TMTC2: variants seen among roughly 807,000 people sequenced by gnomAD.
TMTC2 encodes protein O-mannosyl-transferase TMTC2.
TMTC2 carries 43 observed loss-of-function variants against 82.4 expected under a neutral mutation model. The ratio of observed to expected loss-of-function variants is 0.52; its 90% confidence interval spans 0.41 to 0.67. TMTC2 has a LOEUF of 0.67. Ranked by LOEUF, TMTC2 falls within the 30% of genes least tolerant of loss-of-function variation. The pLI, the probability that TMTC2 is intolerant of heterozygous loss-of-function variation, is 0.00. For missense variants in TMTC2, 919 were observed against 1,012.4 expected (o/e 0.91, Z 1.25); for synonymous variants, 408 against 381.9 (o/e 1.07, Z -0.80).
chr12:82,929,085 A>G (rs1365287525), intron 3 of TMTC2, among the ~76,000 whole-genome samples: 2 of 151,544 alleles, frequency 1.3e-5, no homozygotes, highest in Non-Finnish European at 2.9e-5. Context: ...GTTTTGTTTT[A>G]TTTTTTTGAG....
chr12:83,106,682 A>G (rs892550866), intron 11 of TMTC2, among the ~76,000 whole-genome samples: 3 of 152,212 alleles, frequency 2.0e-5, no homozygotes, highest in African/African-American at 7.2e-5. Flanking sequence ...GAAGACATGC[A>G]GGTCAAGCAA....
intron 8 of TMTC2, among the ~76,000 whole-genome samples, chr12:83,015,645 T>A (rs1880642818): frequency 6.6e-6 from 1 of 152,236 alleles, no homozygotes; most frequent in East Asian, 1.9e-4. Context: ...CCTCACCATG[T>A]CACCTCTGTA....
chr12:82,794,151 C>T (rs1023202395), intron 1 of TMTC2, among the ~76,000 whole-genome samples: 1 of 152,148 alleles, frequency 6.6e-6, no homozygotes, highest in Non-Finnish European at 1.5e-5. Context: ...CCGGGACAGC[C>T]TGCTGGCCTC....
chr12:82,961,861 A>G (rs1877953064), intron 4 of TMTC2, among the ~76,000 whole-genome samples: 1 of 152,066 alleles, frequency 6.6e-6, no homozygotes, highest in Non-Finnish European at 1.5e-5. Context: ...TCACATTTGC[A>G]GCATCCATTC....
At chr12:82,877,759 G>A (rs1329044567) in intron 2 of TMTC2, among the ~76,000 whole-genome samples, 1 of 152,088 alleles carries the variant, frequency 6.6e-6, no homozygotes, top group African/African-American at 2.4e-5. Flanking sequence ...TACAGTAAAG[G>A]ATGGTCCTTA....
chr12:82,907,939 C>T (rs1417454597), intron 3 of TMTC2, among the ~76,000 whole-genome samples: 1 of 151,934 alleles, frequency 6.6e-6, no homozygotes, highest in Non-Finnish European at 1.5e-5. Context: ...TGGTGAAATC[C>T]CATCTGTACT....
At chr12:82,689,649 G>A (rs1406618968) in intron 1 of TMTC2, among the ~76,000 whole-genome samples, 1 of 150,120 alleles carries the variant, frequency 6.7e-6, no homozygotes, top group East Asian at 2.0e-4. Context: ...CATCAGAAGT[G>A]TTAGGACTGG....
intron 3 of TMTC2, among the ~76,000 whole-genome samples, chr12:82,903,866 T>C (rs145621933): frequency 4.1e-4 from 62 of 152,354 alleles, no homozygotes; most frequent in East Asian, 7.7e-4. Context: ...ATAATGTACA[T>C]GCATGAAATA....
intron 1 of TMTC2, among the ~76,000 whole-genome samples, chr12:82,693,324 A>G (rs572177755): frequency 6.6e-6 from 1 of 152,314 alleles, no homozygotes; most frequent in East Asian, 1.9e-4. Flanking sequence ...ACTCACTCCT[A>G]AGATTCATGA....
intron 3 of TMTC2, among the ~76,000 whole-genome samples, chr12:82,920,079 T>G (rs1249930622): frequency 2.0e-5 from 3 of 152,206 alleles, no homozygotes; most frequent in African/African-American, 7.2e-5. Flanking sequence ...TCTATATTAG[T>G]CTGTTTTCTG....
intron 2 of TMTC2, among the ~76,000 whole-genome samples, chr12:82,873,793 TAA>T (rs1872337861): frequency 6.6e-6 from 1 of 152,184 alleles, no homozygotes; most frequent in African/African-American, 2.4e-5. Flanking sequence ...AAATTTGGGG[TAA>T]ACCCAGTTTC....
At chr12:82,740,571 C>T (rs1565729700) in intron 1 of TMTC2, among the ~76,000 whole-genome samples, 1 of 152,162 alleles carries the variant, frequency 6.6e-6, no homozygotes, top group African/African-American at 2.4e-5. Flanking sequence ...GACTCATTTT[C>T]TTATGGGTGT....
intron 8 of TMTC2, among the ~76,000 whole-genome samples, chr12:82,999,855 A>G (rs148331546): frequency 0.038 from 5,802 of 152,232 alleles, 397 homozygotes; most frequent in African/African-American, 0.13. Flanking sequence ...GAACCCTCCC[A>G]AATCTCATGT....
At chr12:82,937,746 GTGTGTATATATATATATATATA>G (rs1247014182) in intron 4 of TMTC2, among the ~76,000 whole-genome samples, 4 of 60,334 alleles carry the variant, frequency 6.6e-5, no homozygotes, top group African/African-American at 1.6e-4. Flanking sequence ...GTGTGTGTGT[GTGTGTATATATATATATATATA>G]TATATATATA....
chr12:82,736,725 G>T (rs1188128923), intron 1 of TMTC2, among the ~76,000 whole-genome samples: 1 of 152,120 alleles, frequency 6.6e-6, no homozygotes. Context: ...TTTCTGAGAA[G>T]TACAAACCAA....
At chr12:82,945,031 T>C (rs1876924244) in intron 4 of TMTC2, among the ~76,000 whole-genome samples, 1 of 152,224 alleles carries the variant, frequency 6.6e-6, no homozygotes, top group African/African-American at 2.4e-5. Context: ...TTAAATGCTT[T>C]CAAATCAAAT....
At chr12:82,926,200 C>T (rs1042855200) in intron 3 of TMTC2, among the ~76,000 whole-genome samples, 2 of 152,066 alleles carry the variant, frequency 1.3e-5, no homozygotes, top group East Asian at 3.9e-4. Flanking sequence ...AGGATGATCT[C>T]GATTTCCTGA....
intron 1 of TMTC2, among the ~76,000 whole-genome samples, chr12:82,750,202 C>T (rs1013813551): frequency 6.6e-6 from 1 of 150,456 alleles, no homozygotes; most frequent in Non-Finnish European, 1.5e-5. Flanking sequence ...TTTTGAAGTT[C>T]CTCTTTTGTT....
At chr12:83,044,487 G>T (rs959440385) in intron 9 of TMTC2, among the ~76,000 whole-genome samples, 1 of 152,136 alleles carries the variant, frequency 6.6e-6, no homozygotes, top group East Asian at 1.9e-4. Flanking sequence ...ATAACAATCC[G>T]ATTTCCATTT....
Sources: gnomAD v4.1 joint callset for allele counts (sites outside exome capture counted in the v4.1 genomes callset) on GRCh38, gnomAD v4.1.1 for gene constraint, MANE v1.5 for transcripts, NCBI Gene and HGNC (gene_info 2026-07-23, HGNC 2026-07-21) for gene names.